The following STK31 variants were observed in gnomAD, a reference collection of about 807,000 sequenced individuals.
STK31 encodes the protein serine/threonine kinase 31, also known as serine/threonine-protein kinase 31.
Under a neutral mutation model 129.7 loss-of-function variants are expected in STK31, and 89 were observed. The ratio of observed to expected loss-of-function variants is 0.69; its 90% CI spans 0.58 to 0.82. The LOEUF (loss-of-function observed/expected upper bound fraction) is 0.82, where lower values mean the gene tolerates loss of function less well. Among genes scored for constraint, STK31 ranks in the 40% least tolerant of loss-of-function variants. The pLI is 0.00. For missense variants in STK31, 1,187 were observed against 1,176.4 expected (o/e 1.01, Z -0.13); for synonymous variants, 448 against 395.3 (o/e 1.13, Z -1.58).
intron 8 of STK31, among the ~76,000 whole-genome samples, chr7:23,745,775 A>G (rs1440165600): frequency 6.6e-6 from 1 of 151,944 alleles, no homozygotes; most frequent in Non-Finnish European, 1.5e-5. Context: ...GCAGCTAGTG[A>G]CAATGGTGGT....
chr7:23,782,571 C>T (rs927016579), intron 16 of STK31, among the ~76,000 whole-genome samples: 16 of 151,648 alleles, frequency 1.1e-4, no homozygotes, highest in African/African-American at 3.2e-4. Context: ...AATTCATCTG[C>T]GTATATGTAA....
At chr7:23,714,219 G>C (rs925590081) in intron 3 of STK31, among the ~76,000 whole-genome samples, 10 of 152,186 alleles carry the variant, frequency 6.6e-5, no homozygotes, top group African/African-American at 2.4e-4. Context: ...GTCTGCTTAT[G>C]CACATATATT....
chr7:23,826,309 T>C (rs1036369007), intron 23 of STK31, among the ~76,000 whole-genome samples: 10 of 152,296 alleles, frequency 6.6e-5, no homozygotes, highest in African/African-American at 2.4e-4. Flanking sequence ...ATATTTAGGA[T>C]AGTTAGTTCT....
At position 23,790,872 on chromosome 7, in the gene STK31, T is replaced by C; in HGVS notation, c.2686T>C (p.Ser896Pro). ...NMMVGDLSLM[S>P]PELKMGKPAS... Reference sequence around the variant, plus strand: ...GATGGTTGGTGACTTGAGTTTGATGTCACCTGAGTTGAAAATGGGAAAACC... The same window carrying C: ...GATGGTTGGTGACTTGAGTTTGATGCCACCTGAGTTGAAAATGGGAAAACC... Residue 896 changes from serine to proline, a missense_variant, in exon 22 of 24, where the codon TCA (serine) becomes CCA (proline). Ser to Pro is a moderately conservative substitution (Grantham distance 74). This residue lies in a region of STK31 where 975 missense variants were observed against 934.9 expected (regional missense o/e 1.04). Transcript: ENST00000355870. 1 of 1,609,308 alleles carries C rather than the reference T, an allele frequency of 6.2e-7. No individual in the cohort carries two copies. Among genetic ancestry groups the C allele is most frequent in the Admixed American group, 1.7e-5 (1 of 58,764 alleles).
chr7:23,753,465 A>G (rs1788850807), intron 9 of STK31, among the ~76,000 whole-genome samples: 1 of 152,140 alleles, frequency 6.6e-6, no homozygotes, highest in Non-Finnish European at 1.5e-5. Context: ...GCCACCTGCA[A>G]CCCCTGGATT....
At chr7:23,824,855 T>A (rs370301453) in intron 23 of STK31, among the ~76,000 whole-genome samples, 1 of 151,826 alleles carries the variant, frequency 6.6e-6, no homozygotes, top group Admixed American at 6.6e-5. Context: ...ATTGAGATAA[T>A]CATGTGGTTT....
intron 15 of STK31, among the ~76,000 whole-genome samples, chr7:23,779,422 G>C (rs1464734349): frequency 6.6e-6 from 1 of 152,198 alleles, no homozygotes; most frequent in Non-Finnish European, 1.5e-5. Context: ...ATTAAAGTCT[G>C]CTGAAGCTAT....
At position 23,786,821 on chromosome 7, in the gene STK31, T is replaced by C. The variant is rs1020114476; in HGVS notation, c.2401-17T>C. On this transcript the variant is annotated splice_polypyrimidine_tract_variant and intron_variant, in intron 19 of 23. Coordinates refer to ENST00000355870, the MANE Select transcript of STK31 (RefSeq NM_031414.5). ...GAAGTTTTTACTTGGAGTCACATTC[T>C]CTGTTTTGCTTCTTAGTCTGATCCT... is the stretch of plus-strand genomic sequence containing the variant. 4 of 1,603,600 alleles carry C rather than the reference T, an allele frequency of 2.5e-6. No individual in the cohort carries two copies. The African/African-American group carries it at 5.4e-5, about 22-fold the overall frequency.
At chr7:23,804,771 A>C (rs1265351140) in intron 22 of STK31, among the ~76,000 whole-genome samples, 1 of 152,238 alleles carries the variant, frequency 6.6e-6, no homozygotes, top group Non-Finnish European at 1.5e-5. Flanking sequence ...ATTTTTCAAA[A>C]GTAATAGAGT....
In STK31 at chr7:23,815,203, G is replaced by C. The variant is rs766726032; in HGVS notation, c.2820G>C (p.Gln940His). The stretch of plus-strand genomic sequence containing the variant: ...AAGATGGAATCCCCAAAGTGGATCA[G>C]TTTCATCTGGTATGTGACCTTTTTG... ...INKDGIPKVD[Q>H]FHLDDKVKSL... Residue 940 changes from glutamine to histidine, a missense_variant, in exon 23 of 24, where the codon CAG (glutamine) becomes CAC (histidine). By Grantham distance (24) the Gln-to-His change is conservative (BLOSUM62 0). This residue lies in a region of STK31 where 975 missense variants were observed against 934.9 expected (regional missense o/e 1.04). Coordinates refer to ENST00000355870, the MANE Select transcript of STK31 (RefSeq NM_031414.5). 9 of 1,578,056 alleles carry C rather than the reference G, an allele frequency of 5.7e-6. No individual in the cohort carries two copies. The East Asian group carries it at 1.6e-4, about 28-fold the overall frequency.
intron 23 of STK31, among the ~76,000 whole-genome samples, chr7:23,823,817 G>C (rs905181189): frequency 6.6e-6 from 1 of 152,136 alleles, no homozygotes; most frequent in Non-Finnish European, 1.5e-5. Flanking sequence ...TCTATATACG[G>C]CTAGCCAGTG....
intron 11 of STK31, among the ~76,000 whole-genome samples, chr7:23,766,878 T>C (rs1241853156): frequency 6.6e-6 from 1 of 152,156 alleles, no homozygotes; most frequent in African/African-American, 2.4e-5. Context: ...TTTTATCTTA[T>C]GTAGGAGGTG....
intron 23 of STK31, among the ~76,000 whole-genome samples, chr7:23,828,855 G>T (rs1794358480): frequency 6.6e-6 from 1 of 151,920 alleles, no homozygotes. Flanking sequence ...TCCTTGTCTT[G>T]TTCCAGTTCT....
chr7:23,785,508 G>A lies in STK31; in HGVS notation c.2179G>A (p.Glu727Lys), dbSNP rs761390215. The change falls in exon 18 of 24, where the codon GAA becomes AAA. Residue 727 changes from glutamate to lysine, a missense_variant. Coordinates refer to ENST00000355870, the MANE Select transcript of STK31 (RefSeq NM_031414.5). The stretch of plus-strand genomic sequence containing the variant: ...TGGTGGTCTCCTTACAATGAGCTTG[G>A]AACGAGATCTTCTTGATGCTGAGCC... ...NSGGLLTMSL[E>K]RDLLDAEPMK... The A allele has an allele frequency of 4.3e-6, 7 of 1,613,838 alleles. No homozygotes were observed. Among genetic ancestry groups the A allele is most frequent in the Non-Finnish European group, 5.9e-6 (7 of 1,179,866 alleles).
In STK31 at chr7:23,728,954, C is replaced by T. The variant is rs115400622; in HGVS notation, c.325-137C>T. On this transcript the variant is annotated intron_variant, in intron 5 of 23. Coordinates refer to ENST00000355870, the MANE Select transcript of STK31 (RefSeq NM_031414.5). ...TTTTGAAGATATTAGAAATCTGTTT[C>T]TGAATGTATTTTGTCATTTTGAGGT... 1,048 of 628,846 alleles carry T rather than the reference C, an allele frequency of 1.7e-3. 1 individual carries two copies. The highest frequency in any genetic ancestry group is 0.014 in the African/African-American group (728 of 52,932). 39.0% of individuals were successfully genotyped at this position (628,846 alleles called of 1,614,324 possible). A position where few individuals can be genotyped will look rare whatever the true frequency, so the allele number is the denominator to read the frequency against.
At chr7:23,738,564 T>C (rs1271122131) in intron 8 of STK31, among the ~76,000 whole-genome samples, 1 of 152,000 alleles carries the variant, frequency 6.6e-6, no homozygotes, top group Non-Finnish European at 1.5e-5. Context: ...TTTTTGTGTT[T>C]TCTTTTCTTT....
At chr7:23,822,743 TC>T (rs1391595784) in intron 23 of STK31, among the ~76,000 whole-genome samples, 4 of 151,908 alleles carry the variant, frequency 2.6e-5, no homozygotes, top group Non-Finnish European at 5.9e-5. Context: ...CCTAATGCTG[TC>T]CCTCCCACCA....
chr7:23,771,755 A>G (rs892473703), intron 14 of STK31: 9 of 153,810 alleles, frequency 5.9e-5, no homozygotes, highest in African/African-American at 1.9e-4. Context: ...TCTAAATTCT[A>G]TAATTACTGA....
intron 23 of STK31, among the ~76,000 whole-genome samples, chr7:23,830,368 G>T (rs1794467870): frequency 6.6e-6 from 1 of 151,136 alleles, no homozygotes. Flanking sequence ...CTCCTTTTTT[G>T]ATAGAAGAAT....
Sources: allele counts gnomAD v4.1 joint callset (sites outside exome capture counted in the v4.1 genomes callset), GRCh38; gene constraint gnomAD v4.1.1; regional missense constraint gnomAD v4.1.1; transcripts MANE v1.5; gene names NCBI Gene and HGNC (gene_info 2026-07-23, HGNC 2026-07-21).